The following TBRG4 variants were observed in gnomAD, a reference collection of about 807,000 sequenced individuals.
TBRG4 encodes transforming growth factor beta regulator 4.
Under a neutral mutation model 65.6 loss-of-function variants are expected in TBRG4, and 43 were observed. The ratio of observed to expected loss-of-function variants is 0.66; its 90% CI spans 0.51 to 0.85. The LOEUF (loss-of-function observed/expected upper bound fraction) is 0.85. TBRG4 is among the 40% of genes least tolerant of loss of function. TBRG4 has a pLI of 0.00. For missense variants in TBRG4, 709 were observed against 787.9 expected (o/e 0.90, Z 1.20); for synonymous variants, 366 against 341.4 (o/e 1.07, Z -0.79).
At chr7:45,104,961 T>A in intron 3 of TBRG4, 1 of 764,744 alleles carries the variant, frequency 1.3e-6, no homozygotes, top group South Asian at 1.4e-5. Context: ...CCAGGGCCCA[T>A]GAGCTGTGGA....
At chr7:45,102,716 G>T in intron 6 of TBRG4, 1 of 574,388 alleles carries the variant, frequency 1.7e-6, no homozygotes, top group Non-Finnish European at 3.0e-6. Flanking sequence ...ACTCTGAACA[G>T]CAGAAGAGTG....
chr7:45,111,391 A>G (rs1785119091), intron 1 of TBRG4: 1 of 213,852 alleles, frequency 4.7e-6, no homozygotes, highest in Admixed American at 5.8e-5. Context: ...CTAAGTCACG[A>G]AAACTGGCTC....
chr7:45,102,050 G>T lies in TBRG4; in HGVS notation c.1342C>A (p.Gln448Lys). 1 of 1,569,540 alleles carries T rather than the reference G, an allele frequency of 6.4e-7. No individual in the cohort carries two copies. Among genetic ancestry groups the T allele is most frequent in the Admixed American group, 2.1e-5 (1 of 47,570 alleles). The change falls in exon 8 of 11, where the codon CAG becomes AAG. Residue 448 changes from glutamine to lysine, a missense_variant. Transcript: ENST00000258770. ...TGGAGCAGCTTCTGGAAGGTGTTCT[G>T]ATCCTTCTGAGACTTGCCCCCTAGG... ...QFLGGKSQKD[Q>K]NTFQKLLHIN...
At chr7:45,109,992 T>C (rs1403562435) in intron 1 of TBRG4, among the ~76,000 whole-genome samples, 1 of 126,618 alleles carries the variant, frequency 7.9e-6, no homozygotes, top group South Asian at 2.6e-4. Flanking sequence ...AAAAAAAAAA[T>C]TCACATTCCC....
chr7:45,111,468 G>C (rs1785122958), intron 1 of TBRG4, 175 bp downstream of exon 1: 2 of 702,610 alleles, frequency 2.8e-6, no homozygotes, highest in African/African-American at 1.9e-5. Flanking sequence ...TAGAGAGGAA[G>C]CGTGCGCACT....
chr7:45,110,969 A>G (rs1244053066), intron 1 of TBRG4: 1 of 152,156 alleles, frequency 6.6e-6, no homozygotes, highest in Non-Finnish European at 1.5e-5. Flanking sequence ...AGCACAGTGT[A>G]GAAATCTTTC....
intron 6 of TBRG4, 117 bp downstream of exon 6, chr7:45,103,216 A>C: frequency 3.3e-5 from 25 of 766,260 alleles, no homozygotes; most frequent in Non-Finnish European, 3.6e-5. Context: ...CTCCCATGCC[A>C]CACATAGTGG....
chr7:45,111,056 A>C (rs1584037771), intron 1 of TBRG4, among the ~76,000 whole-genome samples: 1 of 151,924 alleles, frequency 6.6e-6, no homozygotes, highest in African/African-American at 2.4e-5. Context: ...AGTCACTGCA[A>C]CCTCAGCCTC....
At position 45,105,587 on chromosome 7, in the gene TBRG4, C is replaced by T; in HGVS notation, c.589G>A (p.Glu197Lys). The change falls in exon 3 of 11, where the codon GAG becomes AAG. Residue 197 changes from glutamate to lysine, a missense_variant. Physicochemically the swap from Glu to Lys is moderately conservative, Grantham distance 56 (BLOSUM62 1). Transcript: ENST00000258770. ...GCCAGCAGCTCCTGCGAGTGCTGCT[C>T]CTGTGAGAGGGTGGCACAGGACTCT... Reference protein sequence around the residue: ...LAESCATLSQEQHSQELLAEL... With the variant: ...LAESCATLSQKQHSQELLAEL... 1.2e-6 allele frequency: 2 copies of T among 1,614,174 alleles called. No individual in the cohort carries two copies. Among genetic ancestry groups the T allele is most frequent in the Non-Finnish European group, 1.7e-6 (2 of 1,180,042 alleles).
intron 4 of TBRG4, 31 bp downstream of exon 4, chr7:45,104,507 C>G (rs747719901): frequency 1.7e-5 from 28 of 1,613,486 alleles, no homozygotes; most frequent in South Asian, 5.5e-5. Flanking sequence ...CAGCGCTCCC[C>G]TCTCTCCACC....
At position 45,104,655 on chromosome 7, in the gene TBRG4, T is replaced by C; in HGVS notation, c.790A>G (p.Met264Val). Residue 264 changes from methionine to valine, a missense_variant, in exon 4 of 11, where the codon ATG (methionine) becomes GTG (valine). By Grantham distance (21) the Met-to-Val change is conservative. Coordinates refer to ENST00000258770, the MANE Select transcript of TBRG4 (RefSeq NM_004749.4). The stretch of plus-strand genomic sequence containing the variant: ...GACCGCCGGCTCTGAGCTGCCAGCA[T>C]CACCAGCACCTTCCGCAGCTCATTG... ...GPNELRKVLV[M>V]LAAQSRRSVP... 1 of 1,613,938 alleles carries C rather than the reference T, an allele frequency of 6.2e-7. No homozygotes were observed. Among genetic ancestry groups the C allele is most frequent in the Non-Finnish European group, 8.5e-7 (1 of 1,180,028 alleles).
intron 7 of TBRG4, 78 bp from the exon 8 acceptor site, chr7:45,102,148 C>A (rs1444778881): frequency 1.9e-5 from 29 of 1,533,668 alleles, no homozygotes; most frequent in Non-Finnish European, 2.5e-5. Context: ...GGCAGTGCAC[C>A]CCTACACCCA....
intron 3 of TBRG4, 137 bp from the exon 4 acceptor site, chr7:45,104,846 A>T: frequency 7.6e-7 from 1 of 1,319,630 alleles, no homozygotes; most frequent in Non-Finnish European, 1.1e-6. Context: ...CTGACTAAAC[A>T]CAGGACCACT....
chr7:45,106,012 C>T (rs147701772), intron 2 of TBRG4: 9,712 of 711,936 alleles, frequency 0.014, 115 homozygotes, highest in Middle Eastern at 0.03. Context: ...GACACAGTAA[C>T]AGGGCCTGTG....
intron 3 of TBRG4, chr7:45,105,237 G>A (rs1468074765): frequency 1.6e-6 from 1 of 624,352 alleles, no homozygotes; most frequent in African/African-American, 1.8e-5. Context: ...GGTGCTTGAT[G>A]AATGCAGCCA....
intron 4 of TBRG4, 33 bp from the exon 5 acceptor site, chr7:45,104,289 GGA>G (rs777325377): frequency 2.4e-5 from 39 of 1,612,602 alleles, no homozygotes; most frequent in Non-Finnish European, 3.1e-5. Context: ...GGGTTTAGCT[GGA>G]GAGAGTCAGC....
At chr7:45,104,743 T>G (rs532744186) in intron 3 of TBRG4, 34 bp from the exon 4 acceptor site, 4 of 1,603,760 alleles carry the variant, frequency 2.5e-6, no homozygotes, top group Non-Finnish European at 2.6e-6. Flanking sequence ...GTCAGCTCAA[T>G]GGCCTGGGGT....
chr7:45,108,749 G>A, intron 2 of TBRG4, 78 bp downstream of exon 2: 1 of 1,255,170 alleles, frequency 8.0e-7, no homozygotes, highest in Non-Finnish European at 1.1e-6. Flanking sequence ...TGCTTGGTAA[G>A]CACTGGCTGC....
At chr7:45,110,625 A>G (rs1227592066) in intron 1 of TBRG4, 1 of 150,304 alleles carries the variant, frequency 6.7e-6, no homozygotes, top group African/African-American at 2.5e-5. Flanking sequence ...TGGGTGGCAG[A>G]GCGAGACTCT....
Sources: gnomAD v4.1 joint callset for allele counts (sites outside exome capture counted in the v4.1 genomes callset) on GRCh38, gnomAD v4.1.1 for gene constraint, MANE v1.5 for transcripts, NCBI Gene and HGNC (gene_info 2026-07-23, HGNC 2026-07-21) for gene names.